The following ECE1 variants were observed in gnomAD, a reference collection of about 807,000 sequenced individuals.
ECE1 encodes the protein endothelin-converting enzyme 1.
Under a neutral mutation model 98.6 loss-of-function variants are expected in ECE1, and 35 were observed. The observed-to-expected ratio is 0.35, with a 90% CI of 0.27 to 0.47. The LOEUF (loss-of-function observed/expected upper bound fraction) is 0.47, where lower values mean the gene tolerates loss of function less well. Ranked by LOEUF, ECE1 falls within the 20% of genes least tolerant of loss-of-function variation. ECE1 has a pLI of 1.00. For missense variants in ECE1, 814 were observed against 1,025.3 expected (o/e 0.79, Z 2.81); for synonymous variants, 394 against 407.1 (o/e 0.97, Z 0.39).
intron 1 of ECE1, among the ~76,000 whole-genome samples, chr1:21,331,056 G>A (rs775443147): frequency 1.5e-4 from 23 of 152,066 alleles, no homozygotes; most frequent in Non-Finnish European, 2.5e-4. Flanking sequence ...CAGGACGATC[G>A]CTTGAGCCCG....
chr1:21,283,566 C>T (rs1161300197), intron 2 of ECE1, among the ~76,000 whole-genome samples: 1 of 152,160 alleles, frequency 6.6e-6, no homozygotes, highest in Admixed American at 6.6e-5. Context: ...CCACTGCACC[C>T]AGCCTATCTT....
chr1:21,325,816 G>A (rs1274139703), intron 1 of ECE1, among the ~76,000 whole-genome samples: 2 of 152,336 alleles, frequency 1.3e-5, no homozygotes, highest in South Asian at 2.1e-4. Flanking sequence ...GAGAAGCAAC[G>A]AGAAGGGGCG....
chr1:21,236,975 G>C (rs2098189101), intron 11 of ECE1, 131 bp from the exon 12 acceptor site: 1 of 899,674 alleles, frequency 1.1e-6, no homozygotes, highest in Non-Finnish European at 1.8e-6. Flanking sequence ...GGTGAGAAGG[G>C]GAGCCACAGC....
At chr1:21,244,247 A>G (rs2098200293) in intron 10 of ECE1, among the ~76,000 whole-genome samples, 1 of 152,070 alleles carries the variant, frequency 6.6e-6, no homozygotes, top group Non-Finnish European at 1.5e-5. Context: ...GATGTATCCC[A>G]TCAGCACATA....
At chr1:21,257,339 T>C (rs561698139) in intron 7 of ECE1, among the ~76,000 whole-genome samples, 186 bp downstream of exon 7, 54 of 152,318 alleles carry the variant, frequency 3.5e-4, no homozygotes, top group African/African-American at 1.2e-3. Context: ...CTTGTGTCCA[T>C]GATGCCTGAG....
chr1:21,241,783 G>A (rs1300232153), intron 10 of ECE1, among the ~76,000 whole-genome samples: 9 of 152,246 alleles, frequency 5.9e-5, no homozygotes, highest in Non-Finnish European at 8.8e-5. Flanking sequence ...AAGAGGCCAC[G>A]CTCTCTGCCT....
At chr1:21,283,603 G>C (rs2098257442) in intron 2 of ECE1, among the ~76,000 whole-genome samples, 1 of 152,120 alleles carries the variant, frequency 6.6e-6, no homozygotes, top group African/African-American at 2.4e-5. Flanking sequence ...GTAGGTATTA[G>C]CGTTAGCTCC....
chr1:21,280,588 G>A (rs2098253260), intron 2 of ECE1, among the ~76,000 whole-genome samples: 1 of 152,178 alleles, frequency 6.6e-6, no homozygotes, highest in Non-Finnish European at 1.5e-5. Context: ...CTTTGGGAAG[G>A]GCAGGGTGGA....
chr1:21,238,272 T>G lies in ECE1; in HGVS notation c.1279-28A>C, dbSNP rs377276130. 7 of 1,563,988 alleles carry G rather than the reference T, an allele frequency of 4.5e-6. No homozygotes were observed. The African/African-American group carries it at 8.1e-5, about 18-fold the overall frequency. ...GGAAAACACAAGTCAGGGGGCTCGC[T>G]GGGCCCCAGCCCTTTGTTTCCCAAC... is the stretch of plus-strand genomic sequence containing the variant. On this transcript the variant is annotated intron_variant, in intron 10 of 18. Coordinates refer to ENST00000374893, the MANE Select transcript of ECE1 (RefSeq NM_001397.3).
Position 21,345,148 on chromosome 1 carries a change from C to A in ECE1, c.3+228G>T. ...ATCCGGCTGGGACCAGAACCAAGCT[C>A]GGCGCGGCCGCCCCCGACGGGACCA... On this transcript the variant is annotated intron_variant, in intron 1 of 18. Transcript: ENST00000415912. This position sits in a 1 kb window ranked among gnomAD's most constrained non-coding sequence, Gnocchi z 5.1. 1 of 400,984 alleles carries A rather than the reference C, an allele frequency of 2.5e-6. No homozygotes were observed. The highest frequency in any genetic ancestry group is 3.7e-6 in the Non-Finnish European group (1 of 269,950). The allele number at this position is 400,984 out of a possible 1,614,324, so 24.8% of individuals were successfully genotyped here.
At chr1:21,227,733 C>T (rs2098176139) in intron 15 of ECE1, among the ~76,000 whole-genome samples, 198 bp downstream of exon 15, 2 of 152,098 alleles carry the variant, frequency 1.3e-5, no homozygotes, top group African/African-American at 4.8e-5. Flanking sequence ...GCTCCCAATA[C>T]CCCACTGTGC....
At chr1:21,337,528 TAAGTA>T (rs1184905847) in intron 1 of ECE1, among the ~76,000 whole-genome samples, 2 of 152,198 alleles carry the variant, frequency 1.3e-5, no homozygotes, top group Non-Finnish European at 2.9e-5. Context: ...ATACATTACT[TAAGTA>T]AATTATACTA....
chr1:21,268,445 C>T (rs1286832196), intron 4 of ECE1, among the ~76,000 whole-genome samples: 1 of 152,258 alleles, frequency 6.6e-6, no homozygotes, highest in East Asian at 1.9e-4. Flanking sequence ...CCAGGTCATG[C>T]CACAGTGGCA....
chr1:21,220,803 AC>A lies in ECE1; in HGVS notation c.2137-673del, dbSNP rs1016617158. Among the ~76,000 whole-genome samples the A allele has an allele frequency of 2.0e-5, 3 of 152,206 alleles. No homozygotes were observed. The highest frequency in any genetic ancestry group is 6.5e-5 in the Admixed American group (1 of 15,280). ...TGAGGGAGACTCCGGCTCCAAAAAA[AC>A]AAAACCCAGAAAATACAACACCAGG... On this transcript the variant is annotated intron_variant, in intron 18 of 18. Coordinates refer to ENST00000374893, the MANE Select transcript of ECE1 (RefSeq NM_001397.3). This position sits in a 1 kb window ranked among gnomAD's most constrained non-coding sequence, Gnocchi z 5.0.
At chr1:21,253,846 G>A (rs1437606965) in intron 8 of ECE1, among the ~76,000 whole-genome samples, 1 of 150,296 alleles carries the variant, frequency 6.7e-6, no homozygotes, top group Non-Finnish European at 1.5e-5. Context: ...CGAGGCGGGT[G>A]GATTATGAGG....
chr1:21,244,102 C>G (rs1431157735), intron 10 of ECE1, among the ~76,000 whole-genome samples: 1 of 152,162 alleles, frequency 6.6e-6, no homozygotes, highest in Non-Finnish European at 1.5e-5. Context: ...AGCTCTGCCT[C>G]CTCTCTGGGG....
At position 21,279,633 on chromosome 1, in the gene ECE1, C is replaced by T. The variant is rs770118136; in HGVS notation, c.139-301G>A. The T allele has an allele frequency of 7.0e-6, 10 of 1,424,564 alleles. No homozygotes were observed. The East Asian group carries it at 2.3e-4, about 32-fold the overall frequency. 88.2% of individuals were successfully genotyped at this position (1,424,564 alleles called of 1,614,324 possible). A position where few individuals can be genotyped will look rare whatever the true frequency, so the allele number is the denominator to read the frequency against. ...AAAACTACAGCTTTTCCCTGTTTCT[C>T]CAGTGAGGAGTTCAAAAAAGAACAG... On this transcript the variant is annotated intron_variant, in intron 2 of 18. Transcript: ENST00000374893.
chr1:21,238,260 C>T lies in ECE1; in HGVS notation c.1279-16G>A. ...GAAGACAGGTCTGGAAAACACAAGT[C>T]AGGGGGCTCGCTGGGCCCCAGCCCT... On this transcript the variant is annotated splice_polypyrimidine_tract_variant and intron_variant, in intron 10 of 18. Coordinates refer to ENST00000374893, the MANE Select transcript of ECE1 (RefSeq NM_001397.3). 2 of 1,605,102 alleles carry T rather than the reference C, an allele frequency of 1.2e-6. No homozygotes were observed. The highest frequency in any genetic ancestry group is 1.7e-6 in the Non-Finnish European group (2 of 1,172,772).
At chr1:21,267,082 G>C (rs934469332) in intron 4 of ECE1, 1 of 152,198 alleles carries the variant, frequency 6.6e-6, no homozygotes, top group African/African-American at 2.4e-5. Flanking sequence ...GGGCTTGAGG[G>C]GGCCAGTTCC....
Sources: allele counts gnomAD v4.1 joint callset (sites outside exome capture counted in the v4.1 genomes callset), GRCh38; gene constraint gnomAD v4.1.1; non-coding constraint Gnocchi (gnomAD v3.1); transcripts MANE v1.5; gene names NCBI Gene and HGNC (gene_info 2026-07-23, HGNC 2026-07-21).